The following SLCO3A1 variants were observed in gnomAD, a reference collection of about 807,000 sequenced individuals.
SLCO3A1 encodes solute carrier organic anion transporter family member 3A1.
SLCO3A1 carries 27 observed loss-of-function variants against 63.1 expected under a neutral mutation model. That is an observed-to-expected ratio of 0.43 (90% CI 0.32 to 0.59). The LOEUF is 0.59. Ranked by LOEUF, SLCO3A1 falls within the 20% of genes least tolerant of loss-of-function variation. The pLI is 0.09. For synonymous variants in SLCO3A1, 473 were observed against 409.9 expected (o/e 1.15, Z -1.86); for missense variants, 773 against 945.8 (o/e 0.82, Z 2.40).
rs967062609 is a variant in SLCO3A1, at chr15:91,854,657, G to A, written c.180+569G>A. On this transcript the variant is annotated intron_variant, in intron 1 of 9. Transcript: ENST00000318445. This position sits in a 1 kb window ranked among gnomAD's most constrained non-coding sequence, Gnocchi z 6.4. ...CTGGCCTGAGCCGGGGCTGCAGGGGGAATATTGCCACCCGGTATCCCTATA... is the reference window on the plus strand; with the variant it reads ...CTGGCCTGAGCCGGGGCTGCAGGGGAAATATTGCCACCCGGTATCCCTATA... 2.0e-4 allele frequency among the ~76,000 whole-genome samples: 30 copies of A among 152,302 alleles called. No individual in the cohort carries two copies. The highest frequency in any genetic ancestry group is 5.9e-4 in the Admixed American group (9 of 15,298).
intron 1 of SLCO3A1, among the ~76,000 whole-genome samples, chr15:91,899,684 A>G (rs1898103391): frequency 6.6e-6 from 1 of 152,212 alleles, no homozygotes; most frequent in African/African-American, 2.4e-5. Context: ...ACAAATTCAT[A>G]AAGTTATGCA....
chr15:92,052,996 A>G (rs566018061), intron 2 of SLCO3A1, among the ~76,000 whole-genome samples: 9 of 152,334 alleles, frequency 5.9e-5, no homozygotes, highest in Admixed American at 5.2e-4. Flanking sequence ...GTGCGGCTCT[A>G]GAACTTTCCA....
chr15:92,129,040 C>G (rs753835992), intron 7 of SLCO3A1, among the ~76,000 whole-genome samples: 9 of 152,160 alleles, frequency 5.9e-5, no homozygotes, highest in Non-Finnish European at 1.0e-4. Context: ...GGCTGTCAGC[C>G]CACAGCTTTC....
chr15:91,979,780 C>T (rs922514533), intron 2 of SLCO3A1, among the ~76,000 whole-genome samples: 1 of 152,030 alleles, frequency 6.6e-6, no homozygotes, highest in Admixed American at 6.5e-5. Flanking sequence ...AAGTGCTTAG[C>T]GTAATGCCTT....
rs754455014 is a variant in SLCO3A1 at position 91,872,571 on chromosome 15, C to T, written c.180+18483C>T. Among the ~76,000 whole-genome samples, 2 of 151,944 alleles carry T rather than the reference C, an allele frequency of 1.3e-5. No homozygotes were observed. The highest frequency in any genetic ancestry group is 4.8e-5 in the African/African-American group (2 of 41,380). ...AAAAGAAAAAAGAAGAAAGAAAGAA[C>T]GTGCCCAAGCCCAAGTTGGCACAGC... is the stretch of plus-strand genomic sequence containing the variant. On this transcript the variant is annotated intron_variant, in intron 1 of 9. Coordinates refer to ENST00000318445, the MANE Select transcript of SLCO3A1 (RefSeq NM_013272.4). This position sits in a 1 kb window ranked among gnomAD's most constrained non-coding sequence, Gnocchi z 4.1.
At chr15:92,135,188 C>T (rs961519167) in intron 7 of SLCO3A1, among the ~76,000 whole-genome samples, 7 of 152,112 alleles carry the variant, frequency 4.6e-5, no homozygotes, top group African/African-American at 9.7e-5. Context: ...GATGGAGGGG[C>T]CCTGTGTTCC....
intron 9 of SLCO3A1, 101 bp from the exon 10 acceptor site, chr15:92,162,655 A>C: frequency 6.6e-7 from 1 of 1,506,468 alleles, no homozygotes; most frequent in Non-Finnish European, 8.8e-7. Flanking sequence ...GGAGTCAGAC[A>C]TATTTGCCTA....
intron 2 of SLCO3A1, among the ~76,000 whole-genome samples, chr15:91,962,793 C>T (rs1406744749): frequency 6.6e-6 from 1 of 152,028 alleles, no homozygotes; most frequent in Non-Finnish European, 1.5e-5. Flanking sequence ...TTTCACAACC[C>T]AATAACGAGA....
chr15:92,102,462 C>T (rs940816637), intron 3 of SLCO3A1, among the ~76,000 whole-genome samples: 1 of 152,202 alleles, frequency 6.6e-6, no homozygotes, highest in Non-Finnish European at 1.5e-5. Context: ...TGCCTGTCAT[C>T]CTTGCAACCA....
At chr15:91,907,323 A>G (rs193209421) in intron 1 of SLCO3A1, among the ~76,000 whole-genome samples, 162 of 152,056 alleles carry the variant, frequency 1.1e-3, no homozygotes, top group African/African-American at 3.7e-3. Flanking sequence ...CTCCTGCCTC[A>G]GCCTCCCGAG....
intron 2 of SLCO3A1, among the ~76,000 whole-genome samples, chr15:92,000,844 T>G (rs2046245744): frequency 6.6e-6 from 1 of 152,216 alleles, no homozygotes; most frequent in African/African-American, 2.4e-5. Context: ...GCTTGTACGC[T>G]TGTATTCATC....
chr15:92,094,748 C>T (rs1023893993), intron 2 of SLCO3A1, 133 bp from the exon 3 acceptor site: 10 of 611,268 alleles, frequency 1.6e-5, no homozygotes, highest in Non-Finnish European at 2.6e-5. Context: ...AGCCTTTCCC[C>T]TCTAGGATTT....
intron 2 of SLCO3A1, among the ~76,000 whole-genome samples, chr15:91,975,873 C>T (rs980955824): frequency 1.3e-5 from 2 of 152,214 alleles, no homozygotes; most frequent in South Asian, 2.1e-4. Context: ...GAACCCTGGC[C>T]CCAGAGGTAA....
At chr15:91,964,767 G>A (rs1900595437) in intron 2 of SLCO3A1, among the ~76,000 whole-genome samples, 1 of 151,506 alleles carries the variant, frequency 6.6e-6, no homozygotes, top group Non-Finnish European at 1.5e-5. Context: ...AATGTACTTC[G>A]AGTATGTTCT....
chr15:92,083,691 G>A (rs2047373215), intron 2 of SLCO3A1, among the ~76,000 whole-genome samples: 1 of 152,198 alleles, frequency 6.6e-6, no homozygotes, highest in South Asian at 2.1e-4. Flanking sequence ...CATAGAAACA[G>A]ACGAGAAGGG....
At chr15:91,939,263 C>T (rs1044825680) in intron 2 of SLCO3A1, among the ~76,000 whole-genome samples, 32 of 152,036 alleles carry the variant, frequency 2.1e-4, no homozygotes, top group African/African-American at 7.0e-4. Flanking sequence ...CACTTTTCAA[C>T]GATCAGATCA....
intron 2 of SLCO3A1, among the ~76,000 whole-genome samples, chr15:92,083,776 T>C (rs1405356749): frequency 6.6e-6 from 1 of 150,862 alleles, no homozygotes; most frequent in Non-Finnish European, 1.5e-5. Context: ...TAATAATGAT[T>C]GCTAAAATTT....
intron 4 of SLCO3A1, among the ~76,000 whole-genome samples, chr15:92,114,966 A>G (rs1428796847): frequency 6.6e-6 from 1 of 152,164 alleles, no homozygotes; most frequent in Non-Finnish European, 1.5e-5. Flanking sequence ...CCCAAAAAGC[A>G]TTGGCTACCA....
At chr15:92,029,080 G>A (rs1392356705) in intron 2 of SLCO3A1, among the ~76,000 whole-genome samples, 1 of 152,090 alleles carries the variant, frequency 6.6e-6, no homozygotes, top group Non-Finnish European at 1.5e-5. Flanking sequence ...ACATCCTGTT[G>A]CCAAGTAATT....
Sources: allele counts gnomAD v4.1 joint callset (sites outside exome capture counted in the v4.1 genomes callset), GRCh38; gene constraint gnomAD v4.1.1; non-coding constraint Gnocchi (gnomAD v3.1); transcripts MANE v1.5; gene names NCBI Gene and HGNC (gene_info 2026-07-23, HGNC 2026-07-21).